HEXB: variants seen among roughly 807,000 people sequenced by gnomAD.
HEXB encodes the protein beta-hexosaminidase subunit beta.
Under a neutral mutation model 71.2 loss-of-function variants are expected in HEXB, and 51 were observed. The observed-to-expected ratio is 0.72, with a 90% CI of 0.57 to 0.90. HEXB has a LOEUF of 0.90. HEXB is among the 40% of genes least tolerant of loss of function. The pLI is 0.00. For synonymous variants in HEXB, 266 were observed against 249.3 expected, an observed-to-expected ratio of 1.07 and a Z score of -0.63; for missense variants, 617 against 677.0, an observed-to-expected ratio of 0.91 and a Z score of 0.98.
At chr5:74,700,257 C>G (rs1301741564) in intron 5 of HEXB, among the ~76,000 whole-genome samples, 2 of 151,710 alleles carry the variant, frequency 1.3e-5, no homozygotes, top group Non-Finnish European at 2.9e-5. Flanking sequence ...ATCTGCCCAC[C>G]TCGGCCTCTC....
intron 1 of HEXB, among the ~76,000 whole-genome samples, chr5:74,686,050 C>T (rs1212619317): frequency 6.6e-6 from 1 of 152,112 alleles, no homozygotes; most frequent in Non-Finnish European, 1.5e-5. Context: ...TCCTCAGTTT[C>T]GAGCACTGCC....
chr5:74,711,435 G>A (rs1749538341), intron 6 of HEXB, among the ~76,000 whole-genome samples: 1 of 151,904 alleles, frequency 6.6e-6, no homozygotes. Flanking sequence ...ATTGACAAAT[G>A]GGATCTAATT....
chr5:74,699,865 T>C (rs1749218383), intron 5 of HEXB, among the ~76,000 whole-genome samples: 1 of 152,112 alleles, frequency 6.6e-6, no homozygotes, highest in African/African-American at 2.4e-5. Context: ...GGTACATCTT[T>C]GCCATGTTTG....
At position 74,712,582 on chromosome 5, in the gene HEXB, CTTT is replaced by C. The variant is rs563233859; in HGVS notation, c.772-920_772-918del. Among the ~76,000 whole-genome samples, 30 of 152,134 alleles carry C rather than the reference CTTT, an allele frequency of 2.0e-4. No homozygotes were observed. The East Asian group carries it at 4.0e-3, about 21-fold the overall frequency. On this transcript the variant is annotated intron_variant, in intron 6 of 13. Transcript: ENST00000261416. ...TGGTGAGTTAATATGTCTAGTAATT[CTTT>C]TTTGATCTACAGGTCTGCTCTTCCC...
rs143484583 is a variant in HEXB, at chr5:74,652,610, T to A, written c.-377+12052T>A. Among the ~76,000 whole-genome samples, 702 of 152,336 alleles carry A rather than the reference T, an allele frequency of 4.6e-3. 5 individuals are homozygous for A. Among genetic ancestry groups the A allele is most frequent in the African/African-American group, 0.016 (675 of 41,574 alleles). ...ACCATAAGACCCTAATCTGCTAGTTTGGTGGAAACTTCATTTGAGTCATGT... is the reference window on the plus strand; with the variant it reads ...ACCATAAGACCCTAATCTGCTAGTTAGGTGGAAACTTCATTTGAGTCATGT... On this transcript the variant is annotated intron_variant, in intron 1 of 13. Transcript: ENST00000511181. This position sits in a 1 kb window ranked among gnomAD's most constrained non-coding sequence, Gnocchi z 5.4.
At chr5:74,688,952 C>G (rs1471059609) in intron 1 of HEXB, among the ~76,000 whole-genome samples, 1 of 152,176 alleles carries the variant, frequency 6.6e-6, no homozygotes, top group Admixed American at 6.5e-5. Context: ...GTGATTTGCT[C>G]AGAACTCCCC....
chr5:74,685,168 C>T (rs935225025), upstream of HEXB: 20 of 1,345,620 alleles, frequency 1.5e-5, no homozygotes, highest in African/African-American at 7.7e-5. Context: ...CGGTGACTCA[C>T]CCGCGGCCGC....
chr5:74,654,966 G>A (rs1748190032), intron 1 of HEXB, among the ~76,000 whole-genome samples: 1 of 152,176 alleles, frequency 6.6e-6, no homozygotes, highest in African/African-American at 2.4e-5. Context: ...TATGGGAGGT[G>A]AAATGTCCAG....
rs192395770 is a variant in HEXB at position 74,700,729 on chromosome 5, C to T, written c.669+3623C>T. Among the ~76,000 whole-genome samples the T allele has an allele frequency of 2.4e-3, 366 of 152,030 alleles. 1 individual carries two copies. The highest frequency in any genetic ancestry group is 8.2e-3 in the African/African-American group (340 of 41,478). ...TTATTTATTTATTTATTTATTGAGACGGAGTTTTGCTCTTGTTGCACAGGT... is the reference window on the plus strand; with the variant it reads ...TTATTTATTTATTTATTTATTGAGATGGAGTTTTGCTCTTGTTGCACAGGT... On this transcript the variant is annotated intron_variant, in intron 5 of 13. Transcript: ENST00000261416.
intron 9 of HEXB, among the ~76,000 whole-genome samples, chr5:74,717,477 C>CATATATATATATATATATAT (rs57555383): frequency 6.8e-5 from 10 of 146,670 alleles, no homozygotes; most frequent in African/African-American, 1.8e-4. Context: ...CTGAAAAATG[C>CATATATATATATATATATAT]ATATATATAT....
At chr5:74,660,639 C>T (rs185153428) in intron 1 of HEXB, among the ~76,000 whole-genome samples, 114 of 152,346 alleles carry the variant, frequency 7.5e-4, no homozygotes, top group Non-Finnish European at 1.4e-3. Context: ...TTTGCCTAAG[C>T]TACCCTTGGT....
intron 1 of HEXB, among the ~76,000 whole-genome samples, chr5:74,667,418 A>T (rs564620189): frequency 1.3e-3 from 176 of 136,250 alleles, no homozygotes; most frequent in Middle Eastern, 7.9e-3. Flanking sequence ...AAACTCTCTC[A>T]AAAAAAAAAA....
At chr5:74,656,568 C>T (rs1748224595) in intron 1 of HEXB, among the ~76,000 whole-genome samples, 1 of 151,228 alleles carries the variant, frequency 6.6e-6, no homozygotes, top group Non-Finnish European at 1.5e-5. Flanking sequence ...GATGAGGAAC[C>T]ACATTGCACA....
Position 74,641,770 on chromosome 5 carries a change from G to C in HEXB, c.-377+1212G>C, listed in dbSNP as rs373843622. Among the ~76,000 whole-genome samples, 1 of 152,154 alleles carries C rather than the reference G, an allele frequency of 6.6e-6. No individual in the cohort carries two copies. The highest frequency in any genetic ancestry group is 1.9e-4 in the East Asian group (1 of 5,198). Reference sequence around the variant, plus strand: ...AACTAGAGGCTTGTCTTTCCACTGGGAGTTAAAATATCTGTCTTTTATTCG... The same window carrying C: ...AACTAGAGGCTTGTCTTTCCACTGGCAGTTAAAATATCTGTCTTTTATTCG... On this transcript the variant is annotated intron_variant, in intron 1 of 13. Coordinates refer to the HEXB transcript ENST00000511181. The surrounding 1 kb of genome is among the most constrained non-coding windows in gnomAD (Gnocchi z 4.1).
chr5:74,663,150 T>G (rs1340555004), intron 1 of HEXB, among the ~76,000 whole-genome samples: 3 of 151,814 alleles, frequency 2.0e-5, no homozygotes, highest in Non-Finnish European at 4.4e-5. Context: ...AGTCAGTGTC[T>G]AATTACAAAG....
intron 1 of HEXB, among the ~76,000 whole-genome samples, chr5:74,648,691 A>G (rs1748046630): frequency 6.6e-6 from 1 of 152,228 alleles, no homozygotes; most frequent in African/African-American, 2.4e-5. Context: ...TTCCAGGCAG[A>G]ATCTTGATCA....
At chr5:74,693,377 T>G (rs1027759584) in intron 2 of HEXB, 3 of 526,858 alleles carry the variant, frequency 5.7e-6, no homozygotes, top group Non-Finnish European at 1.0e-5. Flanking sequence ...GGTGGTGCTG[T>G]GACTCACTGA....
chr5:74,717,969 T>C (rs1244440300), intron 9 of HEXB, among the ~76,000 whole-genome samples: 1 of 152,200 alleles, frequency 6.6e-6, no homozygotes, highest in Non-Finnish European at 1.5e-5. Flanking sequence ...CATAAAATTG[T>C]AAGAGATTGC....
intron 3 of HEXB, among the ~76,000 whole-genome samples, chr5:74,695,710 G>T (rs1342540128): frequency 6.6e-6 from 1 of 151,046 alleles, no homozygotes; most frequent in Non-Finnish European, 1.5e-5. Flanking sequence ...GCATGGTGGT[G>T]CACGCTTGTA....
Sources: gnomAD v4.1 joint callset for allele counts (sites outside exome capture counted in the v4.1 genomes callset) on GRCh38, gnomAD v4.1.1 for gene constraint, Gnocchi (gnomAD v3.1) non-coding constraint, MANE v1.5 for transcripts, NCBI Gene and HGNC (gene_info 2026-07-23, HGNC 2026-07-21) for gene names.